The following KCNAB1 variants were observed in gnomAD, a reference collection of about 807,000 sequenced individuals.
KCNAB1 encodes potassium voltage-gated channel subfamily A regulatory beta subunit 1, also known as voltage-gated potassium channel subunit beta-1.
KCNAB1 carries 35 observed loss-of-function variants against 64.6 expected under a neutral mutation model. The ratio of observed to expected loss-of-function variants is 0.54; its 90% confidence interval spans 0.41 to 0.72. KCNAB1 has a LOEUF of 0.72. KCNAB1 is among the 30% of genes least tolerant of loss of function. The pLI is 0.00. For missense variants in KCNAB1, 401 were observed against 512.9 expected, an observed-to-expected ratio of 0.78 and a Z score of 2.11; for synonymous variants, 177 against 183.8, an observed-to-expected ratio of 0.96 and a Z score of 0.30.
upstream of KCNAB1, among the ~76,000 whole-genome samples, chr3:156,119,398 G>A (rs1382730579): frequency 1.3e-5 from 2 of 152,180 alleles, no homozygotes; most frequent in Non-Finnish European, 2.9e-5. Context: ...CCTTATGACA[G>A]CCTATTGACA....
chr3:156,455,711 T>G (rs1712356285), intron 3 of KCNAB1, among the ~76,000 whole-genome samples: 1 of 152,128 alleles, frequency 6.6e-6, no homozygotes, highest in African/African-American at 2.4e-5. Context: ...GCCGCCTCAG[T>G]CTGTGACTCC....
chr3:156,192,635 C>A (rs557381848), intron 1 of KCNAB1, among the ~76,000 whole-genome samples: 1 of 152,090 alleles, frequency 6.6e-6, no homozygotes, highest in African/African-American at 2.4e-5. Context: ...GCAATTCTAT[C>A]AGTTTTTGTT....
intron 1 of KCNAB1, among the ~76,000 whole-genome samples, chr3:156,391,536 A>G (rs968984115): frequency 6.6e-6 from 1 of 152,198 alleles, no homozygotes; most frequent in Non-Finnish European, 1.5e-5. Flanking sequence ...AAAGTGCTTC[A>G]TTTATTTATC....
chr3:156,245,642 A>G (rs571970032), intron 1 of KCNAB1, among the ~76,000 whole-genome samples: 1 of 152,354 alleles, frequency 6.6e-6, no homozygotes, highest in Non-Finnish European at 1.5e-5. Flanking sequence ...GCTATATCCC[A>G]TGTGCCATCT....
chr3:156,510,557 G>A (rs1717138678), intron 8 of KCNAB1, among the ~76,000 whole-genome samples: 2 of 152,130 alleles, frequency 1.3e-5, no homozygotes. Context: ...TTCAGCTCCT[G>A]TCCTATTTCT....
At chr3:156,296,410 T>C (rs1178014629) in intron 1 of KCNAB1, among the ~76,000 whole-genome samples, 2 of 151,472 alleles carry the variant, frequency 1.3e-5, no homozygotes, top group African/African-American at 4.8e-5. Flanking sequence ...TGGCATATGA[T>C]GGGCCCCATT....
intron 1 of KCNAB1, among the ~76,000 whole-genome samples, chr3:156,142,217 C>G (rs1350734270): frequency 6.6e-6 from 1 of 152,106 alleles, no homozygotes; most frequent in African/African-American, 2.4e-5. Context: ...TTAAAATCCC[C>G]TTCACGTGGT....
At chr3:156,138,506 A>C (rs1480820557) in intron 1 of KCNAB1, among the ~76,000 whole-genome samples, 1 of 152,244 alleles carries the variant, frequency 6.6e-6, no homozygotes, top group Non-Finnish European at 1.5e-5. Flanking sequence ...CAAGATATAC[A>C]GTGTTCAACA....
At chr3:156,131,172 T>C (rs1378200076) in intron 1 of KCNAB1, among the ~76,000 whole-genome samples, 3 of 152,174 alleles carry the variant, frequency 2.0e-5, no homozygotes, top group Non-Finnish European at 4.4e-5. Context: ...ATTTTTACCA[T>C]TGTATTGTGT....
chr3:156,185,553 C>A (rs1251459420), intron 1 of KCNAB1, among the ~76,000 whole-genome samples: 4 of 152,104 alleles, frequency 2.6e-5, no homozygotes, highest in African/African-American at 9.7e-5. Context: ...AAAGACCCAG[C>A]CTGAGTTGAA....
chr3:156,252,015 G>A (rs1717858629), intron 1 of KCNAB1, among the ~76,000 whole-genome samples: 1 of 152,198 alleles, frequency 6.6e-6, no homozygotes, highest in South Asian at 2.1e-4. Flanking sequence ...CCAGTCTGGT[G>A]ACAGTTCTAG....
intron 1 of KCNAB1, among the ~76,000 whole-genome samples, chr3:156,343,085 T>C (rs373188051): frequency 2.0e-5 from 3 of 152,220 alleles, no homozygotes; most frequent in Non-Finnish European, 4.4e-5. Context: ...ATTCAATCTC[T>C]ACTTCCCAGG....
chr3:156,491,067 C>A (rs1715596055), intron 8 of KCNAB1, among the ~76,000 whole-genome samples: 1 of 152,148 alleles, frequency 6.6e-6, no homozygotes, highest in East Asian at 1.9e-4. Context: ...AGATGATGGG[C>A]AAACTACAAA....
At chr3:156,176,023 AT>A in intron 1 of KCNAB1, 2 of 818,342 alleles carry the variant, frequency 2.4e-6, no homozygotes, top group Non-Finnish European at 4.4e-6. Context: ...GCCAGGTGCT[AT>A]TTTGCTTCCA....
chr3:156,458,085 T>TATC (rs1185890977), intron 4 of KCNAB1, among the ~76,000 whole-genome samples: 1 of 152,124 alleles, frequency 6.6e-6, no homozygotes, highest in Non-Finnish European at 1.5e-5. Context: ...CCAAAGAATC[T>TATC]ATCATCTTTT....
At chr3:156,468,663 A>G (rs1449873062) in intron 7 of KCNAB1, among the ~76,000 whole-genome samples, 1 of 152,214 alleles carries the variant, frequency 6.6e-6, no homozygotes, top group East Asian at 1.9e-4. Flanking sequence ...TAAGCACTTA[A>G]CGCATGTTAT....
chr3:156,150,615 A>G (rs147921719), intron 1 of KCNAB1, among the ~76,000 whole-genome samples: 1 of 152,304 alleles, frequency 6.6e-6, no homozygotes, highest in East Asian at 1.9e-4. Flanking sequence ...GTTTTCACCC[A>G]AGAGAAAAAC....
Position 156,400,603 on chromosome 3 carries a change from T to C in KCNAB1, c.276-21013T>C, listed in dbSNP as rs548384635. ...CAAGCCCTTATCACTCTAGTTCTAA[T>C]AGATTTTTCTAGCTTTGTTTCAGGA... On this transcript the variant is annotated intron_variant, in intron 1 of 13. Coordinates refer to ENST00000490337, the MANE Select transcript of KCNAB1 (RefSeq NM_172160.3). 6.6e-5 allele frequency among the ~76,000 whole-genome samples: 10 copies of C among 152,346 alleles called. 1 individual carries two copies. Among genetic ancestry groups the C allele is most frequent in the African/African-American group, 2.2e-4 (9 of 41,582 alleles).
rs115684226 is a variant in KCNAB1 at position 156,382,841 on chromosome 3, A to G, written c.276-38775A>G. 7.1e-3 allele frequency among the ~76,000 whole-genome samples: 1,081 copies of G among 152,334 alleles called. 10 individuals carry two copies. Among genetic ancestry groups the G allele is most frequent in the African/African-American group, 0.025 (1,033 of 41,580 alleles). On this transcript the variant is annotated intron_variant, in intron 1 of 13. Transcript: ENST00000490337. ...AAGCAGAGCACCCTGCCTACCTGCA[A>G]TGAAAAAGAAGCCTGAGGGCTTGTT...
Sources: allele counts gnomAD v4.1 joint callset (sites outside exome capture counted in the v4.1 genomes callset), GRCh38; gene constraint gnomAD v4.1.1; transcripts MANE v1.5; gene names NCBI Gene and HGNC (gene_info 2026-07-23, HGNC 2026-07-21).